Variants in DTWD2 observed in about 807,000 individuals in gnomAD.
The protein encoded by DTWD2 is DTW motif tRNA-uridine aminocarboxypropyltransferase 2, also known as tRNA-uridine aminocarboxypropyltransferase 2.
Under a neutral mutation model 31.8 loss-of-function variants are expected in DTWD2, and 39 were observed. The observed-to-expected ratio is 1.22, with a 90% CI of 0.95 to 1.60. The LOEUF (loss-of-function observed/expected upper bound fraction) is 1.60. DTWD2 is among the 40% of genes most tolerant of loss of function. The probability of loss-of-function intolerance (pLI) is 0.00; values close to 1 mark genes in which losing one functional copy is unlikely to be tolerated. For synonymous variants in DTWD2, 180 were observed against 142.8 expected, an observed-to-expected ratio of 1.26 and a Z score of -1.86; for missense variants, 515 against 381.5, an observed-to-expected ratio of 1.35 and a Z score of -2.92.
chr5:118,907,830 G>A lies in DTWD2; in HGVS notation c.597+20707C>T, dbSNP rs145800932. On this transcript the variant is annotated intron_variant, in intron 4 of 5. Transcript: ENST00000510708. ...TTCTTCTCTTACTCAGGGGAGGGTCGGTCTTTATGTTCTATTCAAGCCTTC... is the reference window on the plus strand; with the variant it reads ...TTCTTCTCTTACTCAGGGGAGGGTCAGTCTTTATGTTCTATTCAAGCCTTC... Among the ~76,000 whole-genome samples the A allele has an allele frequency of 1.6e-4, 25 of 152,018 alleles. No homozygotes were observed. In the South Asian group the frequency reaches 3.3e-3, roughly 20 times the overall value.
chr5:118,905,645 A>G (rs1217573296), intron 4 of DTWD2, among the ~76,000 whole-genome samples: 1 of 152,160 alleles, frequency 6.6e-6, no homozygotes, highest in African/African-American at 2.4e-5. Context: ...TCTCGTTTCA[A>G]AAGTGATCGC....
chr5:118,965,622 G>A (rs1014781376), intron 1 of DTWD2, among the ~76,000 whole-genome samples: 1 of 152,194 alleles, frequency 6.6e-6, no homozygotes, highest in African/African-American at 2.4e-5. Context: ...TATGGTGTAA[G>A]ATCTATGACC....
At chr5:118,889,871 A>G (rs1752941963) in intron 4 of DTWD2, among the ~76,000 whole-genome samples, 1 of 152,156 alleles carries the variant, frequency 6.6e-6, no homozygotes, top group African/African-American at 2.4e-5. Flanking sequence ...CTATCCCCTA[A>G]AACTCAAGAT....
intron 5 of DTWD2, among the ~76,000 whole-genome samples, chr5:118,846,329 C>A (rs1382450541): frequency 6.6e-6 from 1 of 152,046 alleles, no homozygotes; most frequent in Non-Finnish European, 1.5e-5. Flanking sequence ...TATTCTACAA[C>A]CACTATTACC....
chr5:118,864,678 A>C (rs1214512064), intron 4 of DTWD2, among the ~76,000 whole-genome samples: 1 of 150,484 alleles, frequency 6.6e-6, no homozygotes, highest in African/African-American at 2.4e-5. Context: ...ATTATACCTT[A>C]AGTGTTAGGG....
intron 4 of DTWD2, among the ~76,000 whole-genome samples, chr5:118,879,623 A>AG (rs1240414895): frequency 6.6e-6 from 1 of 151,924 alleles, no homozygotes; most frequent in East Asian, 1.9e-4. Context: ...AAAAAAAAAA[A>AG]AAAAAAAGAA....
In DTWD2 at chr5:118,840,838, A is replaced by G; in HGVS notation, c.*79T>C. The G allele has an allele frequency of 6.9e-7, 1 of 1,451,128 alleles. No homozygotes were observed. The highest frequency in any genetic ancestry group is 9.2e-7 in the Non-Finnish European group (1 of 1,090,566). The allele number at this position is 1,451,128 out of a possible 1,614,324, so 89.9% of individuals were successfully genotyped here. A position where few individuals can be genotyped will look rare whatever the true frequency, so the allele number is the denominator to read the frequency against. On this transcript the variant is annotated 3_prime_UTR_variant, in exon 6 of 6. Coordinates refer to ENST00000510708, the MANE Select transcript of DTWD2 (RefSeq NM_173666.4). ...TCCTTCTTTAGCAAGTCAAAAACCT[A>G]CAGACCTTAACTATATGAAAACTTA...
chr5:118,972,394 C>A (rs1755006949), intron 1 of DTWD2, among the ~76,000 whole-genome samples: 2 of 152,140 alleles, frequency 1.3e-5, no homozygotes, highest in African/African-American at 4.8e-5. Flanking sequence ...AATTCCTAGA[C>A]ACATACACCC....
chr5:118,944,211 T>C (rs1754275067), intron 2 of DTWD2, among the ~76,000 whole-genome samples: 1 of 152,192 alleles, frequency 6.6e-6, no homozygotes, highest in South Asian at 2.1e-4. Flanking sequence ...AGAAAAGACA[T>C]CAAGCATCAA....
At chr5:118,914,106 T>G (rs1458617296) in intron 4 of DTWD2, among the ~76,000 whole-genome samples, 4 of 152,222 alleles carry the variant, frequency 2.6e-5, no homozygotes, top group Non-Finnish European at 5.9e-5. Flanking sequence ...TTTTGTATCC[T>G]TGGTGGTTTC....
chr5:118,910,463 T>C (rs990325285), intron 4 of DTWD2, among the ~76,000 whole-genome samples: 1 of 152,160 alleles, frequency 6.6e-6, no homozygotes, highest in Non-Finnish European at 1.5e-5. Flanking sequence ...CTATCCACAT[T>C]TTTACCAACA....
intron 4 of DTWD2, among the ~76,000 whole-genome samples, chr5:118,876,254 C>T (rs569463238): frequency 1.3e-5 from 2 of 152,154 alleles, no homozygotes; most frequent in South Asian, 4.2e-4. Context: ...CAAAAAGTTA[C>T]AAAGATCTCA....
intron 1 of DTWD2, among the ~76,000 whole-genome samples, chr5:118,955,582 G>C (rs1754566761): frequency 6.6e-6 from 1 of 152,108 alleles, no homozygotes; most frequent in East Asian, 1.9e-4. Context: ...ACAATAAAAA[G>C]AACAAAGATT....
chr5:118,844,257 G>A (rs1358437931), intron 5 of DTWD2, among the ~76,000 whole-genome samples: 1 of 152,222 alleles, frequency 6.6e-6, no homozygotes, highest in Non-Finnish European at 1.5e-5. Context: ...ATATTGGGTA[G>A]AGCCAAAACA....
chr5:118,902,281 C>T (rs777284616), intron 4 of DTWD2, among the ~76,000 whole-genome samples: 6 of 151,902 alleles, frequency 3.9e-5, no homozygotes, highest in Non-Finnish European at 7.4e-5. Context: ...GTACCTGAAA[C>T]ATAGTAGAAA....
chr5:118,950,900 T>G (rs918088624), intron 1 of DTWD2, among the ~76,000 whole-genome samples: 4 of 152,180 alleles, frequency 2.6e-5, no homozygotes, highest in African/African-American at 9.7e-5. Context: ...ATTTAAGTTT[T>G]GGAGCTTTTT....
At chr5:118,967,504 A>ACAGT (rs1213761441) in intron 1 of DTWD2, among the ~76,000 whole-genome samples, 3 of 152,216 alleles carry the variant, frequency 2.0e-5, no homozygotes, top group Non-Finnish European at 4.4e-5. Flanking sequence ...GGATCATCTT[A>ACAGT]CAGTGTCAGA....
chr5:118,913,728 G>C (rs1753512681), intron 4 of DTWD2, among the ~76,000 whole-genome samples: 1 of 151,870 alleles, frequency 6.6e-6, no homozygotes, highest in South Asian at 2.1e-4. Flanking sequence ...TACTAGTAGT[G>C]AGCAAGAAAT....
chr5:118,922,910 T>C (rs1280543790), intron 4 of DTWD2, among the ~76,000 whole-genome samples: 3 of 152,212 alleles, frequency 2.0e-5, no homozygotes, highest in African/African-American at 7.2e-5. Flanking sequence ...CATCTTTCTG[T>C]TAGCATAAAT....
Sources: gnomAD v4.1 joint callset for allele counts (sites outside exome capture counted in the v4.1 genomes callset) on GRCh38, gnomAD v4.1.1 for gene constraint, MANE v1.5 for transcripts, NCBI Gene and HGNC (gene_info 2026-07-23, HGNC 2026-07-21) for gene names.